The following HBP1 variants were observed in gnomAD, a reference collection of about 807,000 sequenced individuals.
HBP1 encodes HMG-box transcription factor 1, also known as HMG box-containing protein 1.
A neutral mutation model predicts 62.6 loss-of-function variants in HBP1; 20 were observed. The observed-to-expected ratio is 0.32, with a 90% CI of 0.22 to 0.46. HBP1 has a LOEUF of 0.46. HBP1 is among the 20% of genes least tolerant of loss of function. The probability of loss-of-function intolerance (pLI) is 1.00; values close to 1 mark genes in which losing one functional copy is unlikely to be tolerated. For missense variants in HBP1, 480 were observed against 611.8 expected, an observed-to-expected ratio of 0.78 and a Z score of 2.27; for synonymous variants, 232 against 206.2, an observed-to-expected ratio of 1.12 and a Z score of -1.07.
In HBP1 at chr7:107,171,062, TATATATATA is replaced by T. The variant is rs1424977537; in HGVS notation, c.-16+1878_-16+1886del. ...ACATGTATAAATATATATATATATA[TATATATATA>T]TATTTTTTTTTTTTTTTGAGAGGGA... On this transcript the variant is annotated intron_variant, in intron 1 of 10. Transcript: ENST00000222574. 4.0e-4 allele frequency among the ~76,000 whole-genome samples: 27 copies of T among 67,320 alleles called. 1 individual carries two copies. Among genetic ancestry groups the T allele is most frequent in the African/African-American group, 7.0e-4 (5 of 7,098 alleles). 44.2% of individuals were successfully genotyped at this position (67,320 alleles called of 152,430 possible).
chr7:107,174,774 A>T (rs1401999729), intron 1 of HBP1: 2 of 892,896 alleles, frequency 2.2e-6, no homozygotes, highest in South Asian at 1.0e-4. Context: ...TTCAGTTCAG[A>T]TAAGGTTGAC....
At chr7:107,198,307 T>TGAA (rs1429300961) in intron 9 of HBP1, among the ~76,000 whole-genome samples, 6 of 151,920 alleles carry the variant, frequency 3.9e-5, no homozygotes, top group Admixed American at 2.0e-4. Context: ...CCTCCTAGGT[T>TGAA]GAAGTGATTC....
intron 1 of HBP1, among the ~76,000 whole-genome samples, chr7:107,171,707 A>G (rs1444955530): frequency 6.6e-6 from 1 of 151,854 alleles, no homozygotes; most frequent in Non-Finnish European, 1.5e-5. Context: ...TAAAAATACA[A>G]CAGTTAGCTG....
intron 1 of HBP1, among the ~76,000 whole-genome samples, chr7:107,171,682 C>G (rs1168550281): frequency 6.6e-6 from 1 of 151,678 alleles, no homozygotes; most frequent in Non-Finnish European, 1.5e-5. Flanking sequence ...TCGCCAACGT[C>G]GTGAAATTGT....
chr7:107,190,469 A>T (rs928644154), intron 8 of HBP1, 152 bp downstream of exon 8: 1 of 574,672 alleles, frequency 1.7e-6, no homozygotes, highest in Non-Finnish European at 3.0e-6. Flanking sequence ...ACATGAAAAC[A>T]TATTAGGTAA....
Position 107,182,327 on chromosome 7 carries a change from G to A in HBP1, c.170-46G>A. ...AACTGCAGTTATAATATTGTTCCTT[G>A]TATTAGTAATTTCCTTTTTATGATT... On this transcript the variant is annotated intron_variant, in intron 2 of 10. Transcript: ENST00000222574. 2 of 1,011,650 alleles carry A rather than the reference G, an allele frequency of 2.0e-6. 1 individual carries two copies. Among genetic ancestry groups the A allele is most frequent in the Non-Finnish European group, 3.2e-6 (2 of 634,388 alleles). 62.7% of individuals were successfully genotyped at this position (1,011,650 alleles called of 1,614,324 possible). A position where few individuals can be genotyped will look rare whatever the true frequency, so the allele number is the denominator to read the frequency against.
In HBP1 at chr7:107,186,365, A is replaced by T. The variant is rs1797375005; in HGVS notation, c.545A>T (p.Asn182Ile). 1.3e-6 allele frequency: 2 copies of T among 1,584,694 alleles called. No homozygotes were observed. Among genetic ancestry groups the T allele is most frequent in the Non-Finnish European group, 1.7e-6 (2 of 1,155,912 alleles). ...TGATAATATTTTTCTCCATAGGCAA[A>T]TAGTGAGTCAGAATCTGGCATTTTC... Reference protein sequence around the residue: ...EETPVRHERANSESESGIFCM... With the variant: ...EETPVRHERAISESESGIFCM... Residue 182 changes from asparagine (N) to isoleucine (I), a missense_variant, in exon 5 of 11, where the codon AAT becomes ATT. This residue lies in a region of HBP1 where 304 missense variants were observed against 330.9 expected (regional missense o/e 0.92). Coordinates refer to ENST00000222574, the MANE Select transcript of HBP1 (RefSeq NM_012257.4).
Position 107,200,239 on chromosome 7 carries a change from G to T in HBP1, c.1465G>T (p.Ala489Ser). The change falls in exon 10 of 11, where the codon GCT (alanine) becomes TCT (serine). Residue 489 changes from alanine (A) to serine (S), a missense_variant. Physicochemically the swap from Ala to Ser is moderately conservative, Grantham distance 99 (BLOSUM62 1). This residue lies in a region of HBP1 where 52 missense variants were observed against 96.0 expected (regional missense o/e 0.54). Transcript: ENST00000222574. ...ERRMYTLEAK[A>S]LAEEQKRLNP... Reference sequence around the variant, plus strand: ...AAGAATGTACACATTAGAAGCAAAGGCTTTGGCTGAAGAACAGAAACGTTT... The same window carrying T: ...AAGAATGTACACATTAGAAGCAAAGTCTTTGGCTGAAGAACAGAAACGTTT... 1 of 1,613,170 alleles carries T rather than the reference G, an allele frequency of 6.2e-7. No homozygotes were observed. Among genetic ancestry groups the T allele is most frequent in the Non-Finnish European group, 8.5e-7 (1 of 1,179,328 alleles).
chr7:107,199,108 CAG>C (rs1491374623), intron 9 of HBP1, among the ~76,000 whole-genome samples: 8 of 152,140 alleles, frequency 5.3e-5, no homozygotes, highest in African/African-American at 1.9e-4. Flanking sequence ...ATTTTTGAGA[CAG>C]AGTCTCATTC....
chr7:107,182,065 GTA>G (rs1420379037), intron 2 of HBP1, among the ~76,000 whole-genome samples: 1 of 152,104 alleles, frequency 6.6e-6, no homozygotes, highest in African/African-American at 2.4e-5. Flanking sequence ...GGTTATTAAA[GTA>G]TGTGAGTAAT....
At chr7:107,191,853 C>T (rs1368084250) in intron 8 of HBP1, among the ~76,000 whole-genome samples, 3 of 151,952 alleles carry the variant, frequency 2.0e-5, no homozygotes, top group Non-Finnish European at 4.4e-5. Context: ...AAAGACTAGC[C>T]CCCAGGTTTG....
Position 107,200,274 on chromosome 7 carries a change from C to CT in HBP1, c.1501dup (p.Cys501LeufsTer37), listed in dbSNP as rs756059516. 1 of 1,613,120 alleles carries CT rather than the reference C, an allele frequency of 6.2e-7. No homozygotes were observed. The highest frequency in any genetic ancestry group is 8.5e-7 in the Non-Finnish European group (1 of 1,179,422). ...AAGAACAGAAACGTTTAAATCCTGA[C>CT]TGTTGGAAGAGGAAAAGAACCAATT... On this transcript the variant is annotated frameshift_variant, in exon 10 of 11. Transcript: ENST00000222574. LOFTEE classifies it high-confidence loss of function.
intron 10 of HBP1, chr7:107,201,177 T>A: frequency 2.7e-6 from 1 of 374,040 alleles, no homozygotes; most frequent in Non-Finnish European, 4.8e-6. Flanking sequence ...TAGAATTTCA[T>A]GTGTTCGGAC....
rs60734729 is a variant in HBP1 at position 107,171,073 on chromosome 7, A to ATTTTTTTTTT, written c.-16+1894_-16+1903dup. Among the ~76,000 whole-genome samples the ATTTTTTTTTT allele has an allele frequency of 2.1e-3, 187 of 87,196 alleles. 31 individuals carry two copies. The highest frequency in any genetic ancestry group is 0.011 in the African/African-American group (170 of 15,122). The allele number at this position is 87,196 out of a possible 152,430, so 57.2% of individuals were successfully genotyped here. ...TATATATATATATATATATATATAT[A>ATTTTTTTTTT]TTTTTTTTTTTTTTTGAGAGGGAGT... On this transcript the variant is annotated intron_variant, in intron 1 of 10. Coordinates refer to ENST00000222574, the MANE Select transcript of HBP1 (RefSeq NM_012257.4).
At position 107,189,302 on chromosome 7, in the gene HBP1, C is replaced by T; in HGVS notation, c.776C>T (p.Ser259Phe). 1 of 1,612,174 alleles carries T rather than the reference C, an allele frequency of 6.2e-7. No homozygotes were observed. Among genetic ancestry groups the T allele is most frequent in the Non-Finnish European group, 8.5e-7 (1 of 1,178,700 alleles). ...TGCATATATTTTCAGGGCTATGGTT[C>T]TGATGGTCTAAAGTTGTTATCACAT... ...LQMGIHKGYG[S>F]DGLKLLSHEE... Residue 259 changes from serine (S) to phenylalanine (F), a missense_variant, in exon 7 of 11, where the codon TCT (serine) becomes TTT (phenylalanine). Around this residue, in one of 4 missense-constraint regions of HBP1, gnomAD observed 304 missense variants for 330.9 expected, o/e 0.92. Transcript: ENST00000222574.
chr7:107,191,916 G>A (rs1002935), intron 8 of HBP1, among the ~76,000 whole-genome samples: 25,030 of 152,154 alleles, frequency 0.16, 2,384 homozygotes, highest in Non-Finnish European at 0.21. Flanking sequence ...GCTCATGGCT[G>A]TGACTTATTA....
chr7:107,171,156 A>G (rs1299533305), intron 1 of HBP1, among the ~76,000 whole-genome samples: 1 of 140,576 alleles, frequency 7.1e-6, no homozygotes, highest in Non-Finnish European at 1.5e-5. Flanking sequence ...TGCAACCTCC[A>G]CCTTCTGGGT....
intron 9 of HBP1, among the ~76,000 whole-genome samples, chr7:107,198,799 T>TA (rs1179948689): frequency 6.6e-6 from 1 of 152,226 alleles, no homozygotes; most frequent in Non-Finnish European, 1.5e-5. Context: ...ACTGCAGAAA[T>TA]AATCTTTAGA....
At chr7:107,169,219 G>A (rs1353285178) in intron 1 of HBP1, 34 bp downstream of exon 1, 2 of 838,138 alleles carry the variant, frequency 2.4e-6, no homozygotes, top group South Asian at 2.1e-5. Context: ...AGAGGTGGGG[G>A]TGGGGAAGGG....
Sources: gnomAD v4.1 joint callset for allele counts (sites outside exome capture counted in the v4.1 genomes callset) on GRCh38, gnomAD v4.1.1 for gene constraint, gnomAD v4.1.1 regional missense constraint, MANE v1.5 for transcripts, NCBI Gene and HGNC (gene_info 2026-07-23, HGNC 2026-07-21) for gene names.